The following NUDT19 variants were observed in gnomAD, a reference collection of about 807,000 sequenced individuals.
NUDT19 encodes acyl-coenzyme A diphosphatase NUDT19.
In NUDT19, 31 loss-of-function variants were observed where a neutral mutation model predicts 22.2. The observed-to-expected ratio is 1.40, with a 90% CI of 1.05 to 1.89. The LOEUF is 1.89. NUDT19 is among the 40% of genes most tolerant of loss of function. NUDT19 has a pLI of 0.00. For synonymous variants in NUDT19, 325 were observed against 230.8 expected (o/e 1.41, Z -3.70); for missense variants, 752 against 514.2 (o/e 1.46, Z -4.47).
chr19:32,695,499 T>C (rs550828867), intron 1 of NUDT19, among the ~76,000 whole-genome samples: 4 of 152,208 alleles, frequency 2.6e-5, no homozygotes, highest in African/African-American at 9.7e-5. Context: ...TTTAAAGGAA[T>C]AGGGTGCACT....
chr19:32,695,800 G>A (rs1262184575), intron 1 of NUDT19, among the ~76,000 whole-genome samples: 1 of 152,360 alleles, frequency 6.6e-6, no homozygotes, highest in East Asian at 1.9e-4. Flanking sequence ...ATTGCAGCAT[G>A]GGCATGTAGG....
At chr19:32,708,650 G>A (rs894143149) in intron 1 of NUDT19, among the ~76,000 whole-genome samples, 1 of 152,104 alleles carries the variant, frequency 6.6e-6, no homozygotes, top group Non-Finnish European at 1.5e-5. Context: ...AGCTGCTGTT[G>A]CTCCTGATGC....
At chr19:32,709,818 C>A (rs1968426903) in intron 2 of NUDT19, among the ~76,000 whole-genome samples, 1 of 132,046 alleles carries the variant, frequency 7.6e-6, no homozygotes, top group African/African-American at 3.0e-5. Context: ...CCCGGCTAAT[C>A]TTTGTATTTT....
chr19:32,698,395 C>T (rs1968290791), intron 1 of NUDT19, among the ~76,000 whole-genome samples: 1 of 152,066 alleles, frequency 6.6e-6, no homozygotes, highest in Non-Finnish European at 1.5e-5. Context: ...TGAGTGTTTC[C>T]CATCTGAAAG....
At position 32,693,694 on chromosome 19, in the gene NUDT19, A is replaced by G. The variant is rs570141277; in HGVS notation, c.714+1020A>G. Among the ~76,000 whole-genome samples, 11 of 152,286 alleles carry G rather than the reference A, an allele frequency of 7.2e-5. No individual in the cohort carries two copies. In the South Asian group the frequency reaches 1.7e-3, roughly 23 times the overall value. On this transcript the variant is annotated intron_variant, in intron 1 of 2. Coordinates refer to ENST00000397061, the MANE Select transcript of NUDT19 (RefSeq NM_001105570.2). ...AGAGCACTGATTGGTGCGTTTTTACATAGTACTGATTGGTGCATTTACAAA... is the reference window on the plus strand; with the variant it reads ...AGAGCACTGATTGGTGCGTTTTTACGTAGTACTGATTGGTGCATTTACAAA...
intron 1 of NUDT19, among the ~76,000 whole-genome samples, chr19:32,694,298 G>T (rs982266920): frequency 6.6e-6 from 1 of 152,104 alleles, no homozygotes; most frequent in African/African-American, 2.4e-5. Context: ...TCCCTGACTT[G>T]TTAGTGTAAA....
chr19:32,691,829 AG>A lies in NUDT19; in HGVS notation c.-130del, dbSNP rs888057268. 1.9e-3 allele frequency: 863 copies of A among 453,692 alleles called. 7 individuals are homozygous for A. The highest frequency in any genetic ancestry group is 0.015 in the African/African-American group (749 of 48,646). The allele number at this position is 453,692 out of a possible 1,614,324, so 28.1% of individuals were successfully genotyped here. On this transcript the variant is annotated 5_prime_UTR_variant, in exon 1 of 3. Coordinates refer to ENST00000397061, the MANE Select transcript of NUDT19 (RefSeq NM_001105570.2). ...AGGCGCCGTTGCCGACCAAACGCCC[AG>A]GTTCACCCAACGCCAGAGGCTCGTC...
chr19:32,695,843 G>A (rs974060212), intron 1 of NUDT19, among the ~76,000 whole-genome samples: 2 of 152,346 alleles, frequency 1.3e-5, no homozygotes, highest in East Asian at 1.9e-4. Flanking sequence ...CTGTATACAC[G>A]TTTTTTCTTT....
chr19:32,692,731 T>C, intron 1 of NUDT19, 57 bp downstream of exon 1: 2 of 1,334,650 alleles, frequency 1.5e-6, no homozygotes, highest in South Asian at 3.3e-5. Flanking sequence ...GGAGGACCCC[T>C]CCCAGCGGCC....
At chr19:32,700,875 G>A (rs1350315340) in intron 1 of NUDT19, among the ~76,000 whole-genome samples, 2 of 151,924 alleles carry the variant, frequency 1.3e-5, no homozygotes, top group African/African-American at 4.8e-5. Flanking sequence ...CTCATATCTA[G>A]AAAAAATTTT....
intron 1 of NUDT19, among the ~76,000 whole-genome samples, chr19:32,695,745 T>A (rs1178620954): frequency 2.0e-5 from 3 of 152,256 alleles, no homozygotes; most frequent in Admixed American, 2.0e-4. Flanking sequence ...CTTGTGGTAT[T>A]TAATGGGGGT....
At chr19:32,706,158 A>T (rs992351991) in intron 1 of NUDT19, among the ~76,000 whole-genome samples, 4 of 152,208 alleles carry the variant, frequency 2.6e-5, no homozygotes, top group Admixed American at 6.5e-5. Flanking sequence ...CACCTTATGC[A>T]TACATAGATA....
rs1434485846 is a variant in NUDT19 at position 32,692,477 on chromosome 19, C to G, written c.517C>G (p.Gln173Glu). The change falls in exon 1 of 3, where the codon CAG becomes GAG. Residue 173 changes from glutamine to glutamate, a missense_variant. By Grantham distance (29) the Gln-to-Glu change is conservative (BLOSUM62 2). Transcript: ENST00000397061. ...GGCCTCCTGGCGCGACCGCGTGCGC[C>G]AGGACCCGCGCCACTTCCTGCGGCT... ...GLASWRDRVR[Q>E]DPRHFLRLCA... 1.9e-6 allele frequency: 3 copies of G among 1,550,984 alleles called. No individual in the cohort carries two copies. Among genetic ancestry groups the G allele is most frequent in the East Asian group, 4.9e-5 (2 of 40,484 alleles).
intron 1 of NUDT19, among the ~76,000 whole-genome samples, chr19:32,692,967 C>T (rs1044906510): frequency 8.5e-5 from 13 of 152,254 alleles, no homozygotes; most frequent in African/African-American, 3.1e-4. Context: ...AGACATAGTA[C>T]ATCTCCACAG....
At chr19:32,695,585 T>A (rs932223233) in intron 1 of NUDT19, among the ~76,000 whole-genome samples, 1 of 152,244 alleles carries the variant, frequency 6.6e-6, no homozygotes, top group African/African-American at 2.4e-5. Flanking sequence ...GTCTTTGACT[T>A]TGCCTCTTTC....
chr19:32,694,723 A>T (rs1461943957), intron 1 of NUDT19, among the ~76,000 whole-genome samples: 1 of 152,188 alleles, frequency 6.6e-6, no homozygotes, highest in Non-Finnish European at 1.5e-5. Context: ...GATTTCAATT[A>T]TTCTTTGCTA....
In NUDT19 at chr19:32,708,570, C is replaced by T. The variant is rs139973498; in HGVS notation, c.715-615C>T. ...ACTGAAGTTTTCCGGGCAAATACTG[C>T]CTGGCTGAAACCCTACCAAGTTATT... On this transcript the variant is annotated intron_variant, in intron 1 of 2. Transcript: ENST00000397061. Among the ~76,000 whole-genome samples the T allele has an allele frequency of 3.5e-4, 53 of 152,280 alleles. No individual in the cohort carries two copies. The East Asian group carries it at 6.4e-3, about 18-fold the overall frequency.
At chr19:32,696,392 A>ACTTG (rs1568432068) in intron 1 of NUDT19, among the ~76,000 whole-genome samples, 1 of 151,704 alleles carries the variant, frequency 6.6e-6, no homozygotes, top group Non-Finnish European at 1.5e-5. Context: ...CAGTTTCCTT[A>ACTTG]GGTATGCCAC....
chr19:32,693,297 C>T (rs568948703), intron 1 of NUDT19, among the ~76,000 whole-genome samples: 3 of 151,928 alleles, frequency 2.0e-5, no homozygotes, highest in East Asian at 3.9e-4. Context: ...GGATTGAAGC[C>T]GCAGACCTTC....
Sources: gnomAD v4.1 joint callset for allele counts (sites outside exome capture counted in the v4.1 genomes callset) on GRCh38, gnomAD v4.1.1 for gene constraint, MANE v1.5 for transcripts, NCBI Gene and HGNC (gene_info 2026-07-23, HGNC 2026-07-21) for gene names.